LINGO2: variants seen among roughly 807,000 people sequenced by gnomAD.
LINGO2 encodes leucine-rich repeat and immunoglobulin-like domain-containing nogo receptor-interacting protein 2.
In LINGO2, 14 loss-of-function variants were observed where a neutral mutation model predicts 30.6. The ratio of observed to expected loss-of-function variants is 0.46; its 90% CI spans 0.30 to 0.72. The LOEUF (loss-of-function observed/expected upper bound fraction) is 0.72, where lower values mean the gene tolerates loss of function less well. Ranked by LOEUF, LINGO2 falls within the 30% of genes least tolerant of loss-of-function variation. LINGO2 has a pLI of 0.07. For missense variants in LINGO2, 729 were observed against 751.7 expected (o/e 0.97, Z 0.35); for synonymous variants, 317 against 288.5 (o/e 1.10, Z -1.00).
intron 5 of LINGO2, among the ~76,000 whole-genome samples, chr9:28,004,293 ATT>A (rs1230099484): frequency 3.0e-4 from 46 of 152,286 alleles, no homozygotes; most frequent in African/African-American, 1.0e-3. Flanking sequence ...TATTATTTAA[ATT>A]TAATGTATAT....
intron 3 of LINGO2, among the ~76,000 whole-genome samples, chr9:28,309,405 G>T (rs1321796083): frequency 1.3e-5 from 2 of 150,850 alleles, no homozygotes; most frequent in Admixed American, 1.3e-4. Flanking sequence ...ACACAGGAAG[G>T]GGAACATCAC....
the LINGO2 span, among the ~76,000 whole-genome samples, chr9:28,756,359 A>G: frequency 5.2e-3 from 785 of 152,106 alleles, 5 homozygotes; most frequent in Non-Finnish European, 6.5e-3. Flanking sequence ...GTGTCTTGTA[A>G]GTAATTAACC....
the LINGO2 span, among the ~76,000 whole-genome samples, chr9:28,759,879 T>TAAA: frequency 6.6e-6 from 1 of 151,844 alleles, no homozygotes; most frequent in Non-Finnish European, 1.5e-5. Context: ...TAGAAGAGGG[T>TAAA]AAAACATGGG....
upstream of LINGO2, among the ~76,000 whole-genome samples, chr9:28,672,154 T>C (rs1365946478): frequency 6.6e-6 from 1 of 152,056 alleles, no homozygotes; most frequent in African/African-American, 2.4e-5. Context: ...AGAAAGAAAG[T>C]GGCAACCACT....
At chr9:28,852,197 G>A in the LINGO2 span, among the ~76,000 whole-genome samples, 5 of 151,906 alleles carry the variant, frequency 3.3e-5, no homozygotes, top group Admixed American at 6.6e-5. Context: ...CCCAGTCTAA[G>A]GGCTAAGACT....
chr9:28,046,204 G>A (rs1476554115), intron 4 of LINGO2, among the ~76,000 whole-genome samples: 3 of 152,120 alleles, frequency 2.0e-5, no homozygotes, highest in South Asian at 4.1e-4. Context: ...TGCAGTATAC[G>A]ATTGATATTG....
downstream of LINGO2, chr9:27,944,453 G>A (rs1416283158): frequency 6.6e-6 from 1 of 152,176 alleles, no homozygotes; most frequent in Non-Finnish European, 1.5e-5. Context: ...GCATCACTGA[G>A]AGATTCATGT....
chr9:28,440,035 C>G (rs7848805), intron 2 of LINGO2, among the ~76,000 whole-genome samples: 2,806 of 152,262 alleles, frequency 0.018, 97 homozygotes, highest in African/African-American at 0.062. Flanking sequence ...ATTTTTCACC[C>G]TGGCATAACA....
At chr9:28,840,467 T>C in the LINGO2 span, among the ~76,000 whole-genome samples, 1 of 151,862 alleles carries the variant, frequency 6.6e-6, no homozygotes, top group Non-Finnish European at 1.5e-5. Context: ...AGAACCATTC[T>C]TCTATGACAT....
At chr9:29,160,692 T>C in the LINGO2 span, among the ~76,000 whole-genome samples, 1 of 152,240 alleles carries the variant, frequency 6.6e-6, no homozygotes, top group South Asian at 2.1e-4. Flanking sequence ...GGGACAGATA[T>C]ATATTTGATT....
the LINGO2 span, among the ~76,000 whole-genome samples, chr9:29,138,107 C>A: frequency 2.6e-4 from 39 of 151,896 alleles, no homozygotes; most frequent in African/African-American, 8.9e-4. Flanking sequence ...TGCTGCTTTG[C>A]AAACACAGTC....
chr9:28,175,736 C>A (rs1239944376), intron 4 of LINGO2, among the ~76,000 whole-genome samples: 1 of 152,124 alleles, frequency 6.6e-6, no homozygotes, highest in Non-Finnish European at 1.5e-5. Flanking sequence ...GTTAGTGTTA[C>A]CTGCTCTGTA....
At chr9:28,957,164 T>A in the LINGO2 span, among the ~76,000 whole-genome samples, 4 of 152,260 alleles carry the variant, frequency 2.6e-5, no homozygotes, top group South Asian at 8.3e-4. Flanking sequence ...TTGGATATCA[T>A]CAGCATCGCA....
At chr9:28,990,966 C>T in the LINGO2 span, among the ~76,000 whole-genome samples, 2 of 152,194 alleles carry the variant, frequency 1.3e-5, no homozygotes, top group African/African-American at 2.4e-5. Context: ...ACTTCTCCTC[C>T]TCCAAAGGAA....
chr9:28,599,158 G>A (rs1429363291), intron 1 of LINGO2: 1 of 152,018 alleles, frequency 6.6e-6, no homozygotes, highest in East Asian at 1.9e-4. Flanking sequence ...GGCCTGCCAG[G>A]GATTTTTCTA....
chr9:29,044,229 G>A, the LINGO2 span, among the ~76,000 whole-genome samples: 3 of 151,594 alleles, frequency 2.0e-5, no homozygotes, highest in Non-Finnish European at 3.0e-5. Context: ...TGTTATGTAA[G>A]TATATAATAA....
chr9:29,090,125 T>A, the LINGO2 span, among the ~76,000 whole-genome samples: 2 of 152,080 alleles, frequency 1.3e-5, no homozygotes, highest in Non-Finnish European at 2.9e-5. Context: ...TTATTGAATG[T>A]ATATTGTGAT....
At chr9:28,717,342 T>TAA in the LINGO2 span, among the ~76,000 whole-genome samples, 28 of 112,334 alleles carry the variant, frequency 2.5e-4, no homozygotes, top group Admixed American at 1.3e-3. Flanking sequence ...GACCCTAATC[T>TAA]AAAAAAAAAA....
the LINGO2 span, among the ~76,000 whole-genome samples, chr9:28,742,393 G>T: frequency 1.3e-5 from 2 of 151,622 alleles, no homozygotes; most frequent in East Asian, 3.9e-4. Flanking sequence ...GAGGAGGAAT[G>T]AGTTGTGCAA....
Sources: allele counts gnomAD v4.1 joint callset (sites outside exome capture counted in the v4.1 genomes callset), GRCh38; gene constraint gnomAD v4.1.1; transcripts MANE v1.5; gene names NCBI Gene and HGNC (gene_info 2026-07-23, HGNC 2026-07-21).